PCBP3: variants seen among roughly 807,000 people sequenced by gnomAD.
PCBP3 encodes poly(rC) binding protein 3.
In PCBP3, 25 loss-of-function variants were observed where a neutral mutation model predicts 52.7. The observed-to-expected ratio is 0.47, with a 90% CI of 0.35 to 0.66. The LOEUF (loss-of-function observed/expected upper bound fraction) is 0.66, where lower values mean the gene tolerates loss of function less well. PCBP3 is among the 30% of genes least tolerant of loss of function. PCBP3 has a pLI of 0.01. For synonymous variants in PCBP3, 162 were observed against 183.0 expected, an observed-to-expected ratio of 0.89 and a Z score of 0.93; for missense variants, 391 against 490.3, an observed-to-expected ratio of 0.80 and a Z score of 1.91.
At position 45,855,520 on chromosome 21, in the gene PCBP3, G is replaced by A. The variant is rs150251584; in HGVS notation, c.10+5425G>A. 9.9e-3 allele frequency among the ~76,000 whole-genome samples: 1,514 copies of A among 152,338 alleles called. 21 individuals are homozygous for A. Among genetic ancestry groups the A allele is most frequent in the African/African-American group, 0.034 (1,413 of 41,584 alleles). On this transcript the variant is annotated intron_variant, in intron 5 of 17. Transcript: ENST00000681687. ...CCCTGCAAAGACCGAAACAACCAACGTGGGAACCACATACAGAGCCCCTTA... is the reference window on the plus strand; with the variant it reads ...CCCTGCAAAGACCGAAACAACCAACATGGGAACCACATACAGAGCCCCTTA...
chr21:45,823,863 T>A (rs917604428), intron 4 of PCBP3, among the ~76,000 whole-genome samples: 12 of 152,082 alleles, frequency 7.9e-5, no homozygotes, highest in Non-Finnish European at 1.5e-4. Flanking sequence ...TGCCTCAGCC[T>A]CCTGAGTAGC....
At chr21:45,675,197 TGTGGGGGCA>T (rs1439927514) in intron 2 of PCBP3, among the ~76,000 whole-genome samples, 5 of 152,126 alleles carry the variant, frequency 3.3e-5, no homozygotes, top group African/African-American at 1.2e-4. Context: ...AAAGTGAGTA[TGTGGGGGCA>T]GTGGGGTGGA....
At position 45,656,856 on chromosome 21, in the gene PCBP3, C is replaced by G. The variant is rs1041898961; in HGVS notation, c.-278-12018C>G. Among the ~76,000 whole-genome samples, 2 of 152,104 alleles carry G rather than the reference C, an allele frequency of 1.3e-5. No homozygotes were observed. The highest frequency in any genetic ancestry group is 4.8e-5 in the African/African-American group (2 of 41,414). Reference sequence around the variant, plus strand: ...TTCTTTCTTGAGACAGAGTTTTGCTCTGTCGCCTAGGCTAGAGTGCAGTGG... The same window carrying G: ...TTCTTTCTTGAGACAGAGTTTTGCTGTGTCGCCTAGGCTAGAGTGCAGTGG... On this transcript the variant is annotated intron_variant, in intron 1 of 17. Transcript: ENST00000681687. The surrounding 1 kb of genome is among the most constrained non-coding windows in gnomAD (Gnocchi z 4.3).
intron 4 of PCBP3, among the ~76,000 whole-genome samples, chr21:45,834,296 G>A (rs2093527910): frequency 6.6e-6 from 1 of 152,248 alleles, no homozygotes; most frequent in African/African-American, 2.4e-5. Context: ...AGCCGTCAGA[G>A]CGCCCTCCGA....
At chr21:45,680,995 T>C (rs1384632630) in intron 2 of PCBP3, among the ~76,000 whole-genome samples, 1 of 152,200 alleles carries the variant, frequency 6.6e-6, no homozygotes, top group Non-Finnish European at 1.5e-5. Flanking sequence ...GTGAGAGCCT[T>C]CTTGCTGCAT....
At chr21:45,905,751 T>C (rs1311301542) in intron 9 of PCBP3, among the ~76,000 whole-genome samples, 1 of 152,148 alleles carries the variant, frequency 6.6e-6, no homozygotes, top group Non-Finnish European at 1.5e-5. Flanking sequence ...CAGATTACAT[T>C]AGGGTCTACT....
intron 5 of PCBP3, among the ~76,000 whole-genome samples, chr21:45,882,346 G>GT (rs2095423566): frequency 1.3e-5 from 2 of 151,938 alleles, no homozygotes; most frequent in Non-Finnish European, 2.9e-5. Context: ...CTTCCATTCC[G>GT]TTTCTTTGCC....
chr21:45,868,106 G>A (rs1603458762), intron 5 of PCBP3, among the ~76,000 whole-genome samples: 1 of 152,282 alleles, frequency 6.6e-6, no homozygotes, highest in Non-Finnish European at 1.5e-5. Flanking sequence ...ACATCAAACC[G>A]TCACTTCAGA....
chr21:45,721,447 G>C (rs1401599638), intron 2 of PCBP3, among the ~76,000 whole-genome samples: 1 of 151,568 alleles, frequency 6.6e-6, no homozygotes, highest in Non-Finnish European at 1.5e-5. Context: ...CTTGGCTGCA[G>C]GGCTGACCGT....
intron 2 of PCBP3, among the ~76,000 whole-genome samples, chr21:45,709,555 T>A (rs111682650): frequency 0.026 from 3,941 of 151,360 alleles, 182 homozygotes; most frequent in African/African-American, 0.09. Flanking sequence ...ACGGGGACCT[T>A]TTTTTTTTCT....
intron 2 of PCBP3, among the ~76,000 whole-genome samples, chr21:45,728,126 T>C (rs1569157192): frequency 1.3e-5 from 2 of 152,204 alleles, no homozygotes; most frequent in African/African-American, 4.8e-5. Context: ...GTTGGTATCT[T>C]GTTAAAGGAA....
intron 4 of PCBP3, among the ~76,000 whole-genome samples, chr21:45,796,666 T>G (rs531696269): frequency 6.6e-6 from 1 of 152,370 alleles, no homozygotes; most frequent in East Asian, 1.9e-4. Context: ...GATTTGTATT[T>G]TTTCACCTTT....
intron 5 of PCBP3, among the ~76,000 whole-genome samples, chr21:45,857,304 G>A (rs1569335036): frequency 6.6e-6 from 1 of 152,072 alleles, no homozygotes; most frequent in Non-Finnish European, 1.5e-5. Flanking sequence ...TCACAATATA[G>A]GGTTAAATAA....
intron 4 of PCBP3, among the ~76,000 whole-genome samples, chr21:45,836,989 C>T (rs956859799): frequency 2.0e-5 from 3 of 152,118 alleles, no homozygotes; most frequent in Non-Finnish European, 2.9e-5. Flanking sequence ...GTGATGCTTC[C>T]GTGGACATTC....
intron 4 of PCBP3, among the ~76,000 whole-genome samples, chr21:45,797,120 G>A (rs964227335): frequency 6.6e-6 from 1 of 152,214 alleles, no homozygotes; most frequent in Admixed American, 6.5e-5. Context: ...GGGTGAAAGA[G>A]CGTGGTGTAT....
intron 2 of PCBP3, among the ~76,000 whole-genome samples, chr21:45,683,204 A>G (rs1362176010): frequency 6.6e-6 from 1 of 152,224 alleles, no homozygotes; most frequent in Non-Finnish European, 1.5e-5. Flanking sequence ...CACTGGATTT[A>G]GCAAAGTCAA....
intron 5 of PCBP3, among the ~76,000 whole-genome samples, chr21:45,895,067 A>G (rs1229632348): frequency 6.6e-6 from 1 of 152,186 alleles, no homozygotes; most frequent in Non-Finnish European, 1.5e-5. Context: ...TCACTTTGTC[A>G]GTGCAGAGGT....
intron 4 of PCBP3, among the ~76,000 whole-genome samples, chr21:45,815,029 GTGAGTGA>G (rs1431421731): frequency 7.9e-6 from 1 of 126,628 alleles, no homozygotes; most frequent in African/African-American, 3.3e-5. Flanking sequence ...TGAGTGGTGA[GTGAGTGA>G]TGAGTGGTGA....
chr21:45,906,297 GC>G (rs2096202335), intron 9 of PCBP3, among the ~76,000 whole-genome samples: 1 of 152,116 alleles, frequency 6.6e-6, no homozygotes, highest in South Asian at 2.1e-4. Flanking sequence ...TTTGTTGGTG[GC>G]CCTGAGGTCT....
Sources: gnomAD v4.1 joint callset for allele counts (sites outside exome capture counted in the v4.1 genomes callset) on GRCh38, gnomAD v4.1.1 for gene constraint, Gnocchi (gnomAD v3.1) non-coding constraint, MANE v1.5 for transcripts, NCBI Gene and HGNC (gene_info 2026-07-23, HGNC 2026-07-21) for gene names.